PDE10A: variants seen among roughly 807,000 people sequenced by gnomAD.
PDE10A encodes the protein cAMP and cAMP-inhibited cGMP 3',5'-cyclic phosphodiesterase 10A.
A neutral mutation model predicts 97.7 loss-of-function variants in PDE10A; 39 were observed. The ratio of observed to expected loss-of-function variants is 0.40; its 90% CI spans 0.31 to 0.52. The LOEUF (loss-of-function observed/expected upper bound fraction) is 0.52, where lower values mean the gene tolerates loss of function less well. Among genes scored for constraint, PDE10A ranks in the 20% least tolerant of loss-of-function variants. PDE10A has a pLI of 0.56. For synonymous variants in PDE10A, 371 were observed against 376.8 expected (o/e 0.98, Z 0.18); for missense variants, 731 against 1,047.8 (o/e 0.70, Z 4.17).
chr6:165,802,177 T>C (rs1020275393), intron 1 of PDE10A, among the ~76,000 whole-genome samples: 1 of 152,188 alleles, frequency 6.6e-6, no homozygotes, highest in Non-Finnish European at 1.5e-5. Context: ...TAAACAGCCA[T>C]CCAGCCAGTT....
chr6:165,443,073 C>T (rs1382616755), intron 5 of PDE10A, among the ~76,000 whole-genome samples: 3 of 136,958 alleles, frequency 2.2e-5, no homozygotes, highest in Admixed American at 1.7e-4. Flanking sequence ...GACCATACCA[C>T]TGTGCTCCAG....
chr6:165,922,885 G>A (rs1782795831), intron 1 of PDE10A, among the ~76,000 whole-genome samples: 3 of 152,164 alleles, frequency 2.0e-5, no homozygotes, highest in Admixed American at 2.0e-4. Context: ...CCACCTTCCG[G>A]GGGTTCACTC....
At chr6:165,495,704 G>GAATCTAC (rs1780496392) in intron 2 of PDE10A, among the ~76,000 whole-genome samples, 1 of 152,012 alleles carries the variant, frequency 6.6e-6, no homozygotes, top group Admixed American at 6.6e-5. Flanking sequence ...TATCCAGCTG[G>GAATCTAC]AATCTACAAT....
chr6:165,398,750 A>G (rs1395318850), intron 13 of PDE10A, among the ~76,000 whole-genome samples: 4 of 152,136 alleles, frequency 2.6e-5, no homozygotes, highest in Non-Finnish European at 5.9e-5. Context: ...ATTAAAATTC[A>G]ATTTTAAAGG....
rs116871656 is a variant in PDE10A at position 165,611,504 on chromosome 6, G to A, written c.865+50443C>T. On this transcript the variant is annotated intron_variant, in intron 1 of 21. Coordinates refer to ENST00000539869, the MANE Select transcript of PDE10A (RefSeq NM_001385079.1). ...GGCCACACCGTGTGCCTTCCAAAAC[G>A]GCACAAGATCTGAGGCTGTGCCCAG... 2.6e-4 allele frequency among the ~76,000 whole-genome samples: 40 copies of A among 152,324 alleles called. No individual in the cohort carries two copies. In the East Asian group the frequency reaches 6.2e-3, roughly 24 times the overall value.
intron 17 of PDE10A, among the ~76,000 whole-genome samples, chr6:165,384,727 T>C (rs1265498643): frequency 6.6e-6 from 1 of 151,782 alleles, no homozygotes; most frequent in Non-Finnish European, 1.5e-5. Flanking sequence ...TCTCCTTGCT[T>C]GCTGTTGTCA....
rs773916426 is a variant in PDE10A, at chr6:165,339,336, C to T, written c.2918G>A (p.Gly973Glu). The change falls in exon 20 of 22, where the codon GGA (glycine) becomes GAA (glutamate). Residue 973 changes from glycine (G) to glutamate (E), a missense_variant. Gly to Glu is a moderately conservative substitution (Grantham distance 98, BLOSUM62 -2). This residue lies in a region of PDE10A where 96 missense variants were observed against 156.7 expected (regional missense o/e 0.61). Transcript: ENST00000539869. ...GTCCATCATAGGAATAGGCTGTATTCCCAATTTCTTCATTTCATCACCCTA... is the reference window on the plus strand; with the variant it reads ...GTCCATCATAGGAATAGGCTGTATTTCCAATTTCTTCATTTCATCACCCTA... ...WAEGDEMKKLGIQPIPMMDRD... is the reference protein window; with the variant it reads ...WAEGDEMKKLEIQPIPMMDRD... The T allele has an allele frequency of 6.2e-7, 1 of 1,603,716 alleles. No homozygotes were observed. Among genetic ancestry groups the T allele is most frequent in the South Asian group, 1.1e-5 (1 of 90,896 alleles).
At chr6:165,679,290 A>G (rs1173349120) in intron 1 of PDE10A, among the ~76,000 whole-genome samples, 2 of 152,246 alleles carry the variant, frequency 1.3e-5, no homozygotes, top group Admixed American at 1.3e-4. Context: ...AAACCCAGAT[A>G]ACCAGATCAT....
intron 1 of PDE10A, among the ~76,000 whole-genome samples, chr6:165,968,356 C>T (rs1303951617): frequency 6.6e-6 from 1 of 152,236 alleles, no homozygotes; most frequent in Non-Finnish European, 1.5e-5. Context: ...GTCACTCACA[C>T]TTGCTGTAAC....
chr6:165,343,315 A>G (rs1470689598), intron 19 of PDE10A, 76 bp downstream of exon 19: 1 of 1,018,318 alleles, frequency 9.8e-7, no homozygotes, highest in South Asian at 1.3e-5. Flanking sequence ...ATGAACAACT[A>G]AAGTATTCTT....
At chr6:165,505,251 T>C (rs546053017) in intron 2 of PDE10A, among the ~76,000 whole-genome samples, 1 of 152,324 alleles carries the variant, frequency 6.6e-6, no homozygotes, top group African/African-American at 2.4e-5. Flanking sequence ...ATGAAACATC[T>C]CATGATAAAG....
chr6:165,691,607 A>G (rs1177926016), intron 1 of PDE10A, among the ~76,000 whole-genome samples: 1 of 150,294 alleles, frequency 6.7e-6, no homozygotes, highest in African/African-American at 2.5e-5. Context: ...ACACACACAC[A>G]CACACACACA....
At chr6:165,589,473 A>T (rs909570295) in intron 1 of PDE10A, among the ~76,000 whole-genome samples, 6 of 152,268 alleles carry the variant, frequency 3.9e-5, no homozygotes, top group Non-Finnish European at 7.3e-5. Context: ...TAAAATAAAG[A>T]CAATCAAAAA....
Position 165,741,524 on chromosome 6 carries a change from A to G in PDE10A, c.-614-197956T>C, listed in dbSNP as rs183949183. On this transcript the variant is annotated intron_variant, in intron 1 of 19. Coordinates refer to the PDE10A transcript ENST00000366882. ...AGTTTAAATTATACAATTAATCTCA[A>G]GAGTGATTTGACTATTAGTAGTAAA... is the stretch of plus-strand genomic sequence containing the variant. Among the ~76,000 whole-genome samples the G allele has an allele frequency of 8.1e-4, 123 of 151,210 alleles. 1 individual carries two copies. The Middle Eastern group carries it at 0.01, about 13-fold the overall frequency.
At chr6:165,391,721 C>T (rs1448194721) in intron 16 of PDE10A, among the ~76,000 whole-genome samples, 1 of 152,064 alleles carries the variant, frequency 6.6e-6, no homozygotes, top group African/African-American at 2.4e-5. Context: ...TCTTAAAATG[C>T]TACTATTTTT....
chr6:165,431,476 A>T lies in PDE10A; in HGVS notation c.1492-4T>A. 3 of 1,578,974 alleles carry T rather than the reference A, an allele frequency of 1.9e-6. No individual in the cohort carries two copies. In the South Asian group the frequency reaches 3.4e-5, roughly 18 times the overall value. ...AGGCAAGATTTGCTGTTGCAACCTA[A>T]AAAAAACAAGAAATACATACCTATA... is the stretch of plus-strand genomic sequence containing the variant. On this transcript the variant is annotated splice_polypyrimidine_tract_variant and splice_region_variant and intron_variant, in intron 7 of 21. Coordinates refer to ENST00000539869, the MANE Select transcript of PDE10A (RefSeq NM_001385079.1).
chr6:165,676,734 A>T (rs564926857), intron 1 of PDE10A, among the ~76,000 whole-genome samples: 2 of 124,408 alleles, frequency 1.6e-5, no homozygotes, highest in South Asian at 5.4e-4. Flanking sequence ...GACTCACACG[A>T]TCTGACTTTT....
At chr6:165,335,971 A>G (rs1175982251) in intron 21 of PDE10A, 152 bp downstream of exon 21, 1 of 681,206 alleles carries the variant, frequency 1.5e-6, no homozygotes, top group Non-Finnish European at 2.6e-6. Context: ...GCCCTGGGGA[A>G]GCCAGGTAAG....
intron 1 of PDE10A, among the ~76,000 whole-genome samples, chr6:165,942,315 T>C (rs1783551477): frequency 6.6e-6 from 1 of 151,886 alleles, no homozygotes; most frequent in Non-Finnish European, 1.5e-5. Context: ...CACACACATA[T>C]ATGCGCACAC....
Sources: gnomAD v4.1 joint callset for allele counts (sites outside exome capture counted in the v4.1 genomes callset) on GRCh38, gnomAD v4.1.1 for gene constraint, gnomAD v4.1.1 regional missense constraint, MANE v1.5 for transcripts, NCBI Gene and HGNC (gene_info 2026-07-23, HGNC 2026-07-21) for gene names.